The following SLC25A20 variants were observed in gnomAD, a reference collection of about 807,000 sequenced individuals.
The protein encoded by SLC25A20 is mitochondrial carnitine/acylcarnitine carrier protein.
A neutral mutation model predicts 39.7 loss-of-function variants in SLC25A20; 29 were observed. The observed-to-expected ratio is 0.73, with a 90% CI of 0.54 to 1.00. The LOEUF (loss-of-function observed/expected upper bound fraction) is 1.00. Ranked by LOEUF, SLC25A20 falls within the 50% of genes least tolerant of loss-of-function variation. The pLI, the probability that SLC25A20 is intolerant of heterozygous loss-of-function variation, is 0.00. For missense variants in SLC25A20, 333 were observed against 379.9 expected, an observed-to-expected ratio of 0.88 and a Z score of 1.03; for synonymous variants, 103 against 142.2, an observed-to-expected ratio of 0.72 and a Z score of 1.96.
In SLC25A20 at chr3:48,862,527, G is replaced by C. The variant is rs1252125571; in HGVS notation, c.535+15C>G. ...ACCTCCCCAGGTGACCTCAAGTGGA[G>C]GCCTGAAAGGTTACCTCGCATAAGG... is the stretch of plus-strand genomic sequence containing the variant. On this transcript the variant is annotated intron_variant, in intron 5 of 8. Transcript: ENST00000319017. The C allele has an allele frequency of 6.4e-7, 1 of 1,560,310 alleles. No homozygotes were observed. The highest frequency in any genetic ancestry group is 1.4e-5 in the African/African-American group (1 of 73,884).
intron 4 of SLC25A20, among the ~76,000 whole-genome samples, chr3:48,878,262 C>CAAAAAAAAA (rs1257374907): frequency 2.3e-4 from 25 of 106,828 alleles, no homozygotes; most frequent in African/African-American, 9.4e-4. Context: ...TCCATCTCCA[C>CAAAAAAAAA]AAAAAAAAAA....
intron 3 of SLC25A20, 32 bp from the exon 4 acceptor site, chr3:48,879,480 C>A (rs2083784321): frequency 6.8e-7 from 1 of 1,479,640 alleles, no homozygotes; most frequent in Non-Finnish European, 9.5e-7. Context: ...GAAGCAAGCA[C>A]CTGTGACTAA....
In SLC25A20 at chr3:48,878,935, G is replaced by A. The variant is rs535146373; in HGVS notation, c.417+423C>T. Among the ~76,000 whole-genome samples, 432 of 151,850 alleles carry A rather than the reference G, an allele frequency of 2.8e-3. 4 individuals are homozygous for A. The highest frequency in any genetic ancestry group is 9.8e-3 in the African/African-American group (407 of 41,394). On this transcript the variant is annotated intron_variant, in intron 4 of 8. Coordinates refer to ENST00000319017, the MANE Select transcript of SLC25A20 (RefSeq NM_000387.6). ...CATGCCCAGGCTGCAGTGCAGTGGCGTGACACAGCTCACTGCAACCTGTCT... is the reference window on the plus strand; with the variant it reads ...CATGCCCAGGCTGCAGTGCAGTGGCATGACACAGCTCACTGCAACCTGTCT...
At chr3:48,865,733 C>T (rs1328822733) in intron 4 of SLC25A20, among the ~76,000 whole-genome samples, 3 of 148,482 alleles carry the variant, frequency 2.0e-5, no homozygotes, top group Admixed American at 1.3e-4. Flanking sequence ...CGCGCCACCG[C>T]ACTCCAGCCT....
In SLC25A20 at chr3:48,857,546, T is replaced by G; in HGVS notation, c.*164A>C. 2.9e-6 allele frequency: 2 copies of G among 681,044 alleles called. No individual in the cohort carries two copies. Among genetic ancestry groups the G allele is most frequent in the Non-Finnish European group, 5.4e-6 (2 of 368,974 alleles). 42.2% of individuals were successfully genotyped at this position (681,044 alleles called of 1,614,324 possible). ...AAATGACACACTAAGTTATACACGG[T>G]GCAGGATGTCATTAAGGCAACAGTC... On this transcript the variant is annotated 3_prime_UTR_variant, in exon 9 of 9. Transcript: ENST00000319017.
At chr3:48,896,372 G>A (rs1335315739) in intron 1 of SLC25A20, among the ~76,000 whole-genome samples, 1 of 151,902 alleles carries the variant, frequency 6.6e-6, no homozygotes, top group Admixed American at 6.6e-5. Flanking sequence ...GTCTTGCCAT[G>A]TTGCCAAGGC....
chr3:48,875,063 G>GAAA (rs35547809), intron 4 of SLC25A20, among the ~76,000 whole-genome samples: 3 of 105,850 alleles, frequency 2.8e-5, no homozygotes, highest in African/African-American at 7.3e-5. Flanking sequence ...CTCTGTCTCA[G>GAAA]AAAAAAAAAA....
At position 48,888,570 on chromosome 3, in the gene SLC25A20, AAAATAAAT is replaced by A. The variant is rs35871910; in HGVS notation, c.198+3402_198+3409del. 4.3e-3 allele frequency among the ~76,000 whole-genome samples: 616 copies of A among 142,176 alleles called. 4 individuals carry two copies. The highest frequency in any genetic ancestry group is 5.2e-3 in the African/African-American group (199 of 38,158). 93.3% of individuals were successfully genotyped at this position (142,176 alleles called of 152,430 possible). On this transcript the variant is annotated intron_variant, in intron 2 of 8. Coordinates refer to ENST00000319017, the MANE Select transcript of SLC25A20 (RefSeq NM_000387.6). ...GGCAACTGAACAAGACTCTTGTCTCAAAATAAATAAATAAATAAATAAATAAATAAATA... is the reference window on the plus strand; with the variant it reads ...GGCAACTGAACAAGACTCTTGTCTCAAAATAAATAAATAAATAAATAAATA...
intron 4 of SLC25A20, among the ~76,000 whole-genome samples, chr3:48,865,007 G>C (rs1156955833): frequency 2.6e-5 from 4 of 152,190 alleles, no homozygotes; most frequent in African/African-American, 7.2e-5. Context: ...GCTGAGAGTA[G>C]AGGAGGTACA....
At chr3:48,895,891 G>C (rs2083906540) in intron 1 of SLC25A20, 1 of 429,700 alleles carries the variant, frequency 2.3e-6, no homozygotes, top group African/African-American at 2.0e-5. Flanking sequence ...TATAATCCCA[G>C]CACTTCAGGA....
intron 2 of SLC25A20, among the ~76,000 whole-genome samples, 193 bp from the exon 3 acceptor site, chr3:48,884,317 C>A (rs142942510): frequency 1.3e-5 from 2 of 152,242 alleles, no homozygotes; most frequent in East Asian, 3.9e-4. Flanking sequence ...AAACTGAAGG[C>A]AGTTTCCATT....
intron 4 of SLC25A20, among the ~76,000 whole-genome samples, chr3:48,864,511 T>C (rs2083651393): frequency 6.6e-6 from 1 of 151,918 alleles, no homozygotes; most frequent in South Asian, 2.1e-4. Flanking sequence ...AAGATTTCTA[T>C]TTTTCTAAAA....
intron 4 of SLC25A20, among the ~76,000 whole-genome samples, chr3:48,879,070 C>T (rs2083781875): frequency 6.6e-6 from 1 of 151,858 alleles, no homozygotes; most frequent in Admixed American, 6.6e-5. Flanking sequence ...GGGGTTTCAC[C>T]ATGTTGGCCA....
At chr3:48,863,887 T>C (rs1484922062) in intron 4 of SLC25A20, among the ~76,000 whole-genome samples, 1 of 151,616 alleles carries the variant, frequency 6.6e-6, no homozygotes, top group Non-Finnish European at 1.5e-5. Context: ...TGGTGGTACA[T>C]GCCTGTAATC....
intron 4 of SLC25A20, among the ~76,000 whole-genome samples, chr3:48,876,162 G>C (rs889270782): frequency 6.6e-6 from 1 of 152,060 alleles, no homozygotes; most frequent in Non-Finnish European, 1.5e-5. Flanking sequence ...GGCCAACATG[G>C]TGCAAGCCCA....
At chr3:48,883,577 C>T (rs1313541957) in intron 3 of SLC25A20, among the ~76,000 whole-genome samples, 3 of 150,006 alleles carry the variant, frequency 2.0e-5, no homozygotes, top group African/African-American at 7.3e-5. Context: ...AAAAAACTCC[C>T]AGGAGTCAGG....
intron 2 of SLC25A20, among the ~76,000 whole-genome samples, chr3:48,889,311 G>T (rs2083855937): frequency 6.6e-6 from 1 of 151,636 alleles, no homozygotes; most frequent in Non-Finnish European, 1.5e-5. Context: ...AATCTCTTGA[G>T]CCTGGGAGGC....
chr3:48,894,349 C>A (rs1382792027), intron 1 of SLC25A20, among the ~76,000 whole-genome samples: 1 of 150,294 alleles, frequency 6.7e-6, no homozygotes, highest in African/African-American at 2.4e-5. Flanking sequence ...CACCACAAGC[C>A]TCCTGGGTTC....
intron 1 of SLC25A20, among the ~76,000 whole-genome samples, chr3:48,892,668 T>G (rs1478976824): frequency 6.6e-6 from 1 of 152,194 alleles, no homozygotes; most frequent in Non-Finnish European, 1.5e-5. Context: ...TCAGTCAGCC[T>G]TTTGATCTAT....
Sources: allele counts gnomAD v4.1 joint callset (sites outside exome capture counted in the v4.1 genomes callset), GRCh38; gene constraint gnomAD v4.1.1; transcripts MANE v1.5; gene names NCBI Gene and HGNC (gene_info 2026-07-23, HGNC 2026-07-21).